RCOR1: variants seen among roughly 807,000 people sequenced by gnomAD.
The protein encoded by RCOR1 is REST corepressor 1.
Under a neutral mutation model 64.0 loss-of-function variants are expected in RCOR1, and 12 were observed. That is an observed-to-expected ratio of 0.19 (90% CI 0.12 to 0.30). RCOR1 has a LOEUF of 0.30. RCOR1 is among the 10% of genes least tolerant of loss of function. The pLI is 1.00. For synonymous variants in RCOR1, 279 were observed against 227.2 expected (o/e 1.23, Z -2.05); for missense variants, 502 against 621.2 (o/e 0.81, Z 2.04).
At chr14:102,618,358 A>G (rs1173422882) in intron 2 of RCOR1, among the ~76,000 whole-genome samples, 1 of 151,932 alleles carries the variant, frequency 6.6e-6, no homozygotes, top group African/African-American at 2.4e-5. Context: ...TAATCCCAGC[A>G]CTTAGGGAGG....
intron 2 of RCOR1, among the ~76,000 whole-genome samples, chr14:102,630,705 T>C (rs1224234078): frequency 1.3e-5 from 2 of 152,176 alleles, no homozygotes; most frequent in East Asian, 1.9e-4. Flanking sequence ...AGCTTTCCTT[T>C]TCTGGTTCAA....
chr14:102,664,397 G>A (rs935420305), intron 2 of RCOR1, among the ~76,000 whole-genome samples: 1 of 152,198 alleles, frequency 6.6e-6, no homozygotes, highest in African/African-American at 2.4e-5. Context: ...TTACAGGTAT[G>A]AGCCACCATG....
At chr14:102,697,812 C>A (rs1895678180) in intron 3 of RCOR1, among the ~76,000 whole-genome samples, 1 of 151,930 alleles carries the variant, frequency 6.6e-6, no homozygotes, top group African/African-American at 2.4e-5. Flanking sequence ...CCTCTGCCTC[C>A]AGGATTCAAG....
At chr14:102,652,963 T>G (rs1475335257) in intron 2 of RCOR1, among the ~76,000 whole-genome samples, 4 of 152,192 alleles carry the variant, frequency 2.6e-5, no homozygotes. Flanking sequence ...AGATGGAGTT[T>G]CGCTTTGTCG....
At chr14:102,644,543 C>T (rs1048365921) in intron 2 of RCOR1, among the ~76,000 whole-genome samples, 3 of 152,172 alleles carry the variant, frequency 2.0e-5, no homozygotes, top group Admixed American at 2.0e-4. Flanking sequence ...CCTCTCCCAT[C>T]ACATCGCTCC....
intron 4 of RCOR1, 111 bp from the exon 5 acceptor site, chr14:102,707,240 T>C: frequency 1.2e-6 from 1 of 843,682 alleles, no homozygotes. Flanking sequence ...GCGCTGTAGA[T>C]GAGTTAGTTT....
chr14:102,698,001 A>T (rs1425214027), intron 3 of RCOR1, among the ~76,000 whole-genome samples: 1 of 152,196 alleles, frequency 6.6e-6, no homozygotes, highest in Non-Finnish European at 1.5e-5. Flanking sequence ...GATTACTGGC[A>T]TGAGCCACCG....
At chr14:102,681,643 C>T (rs1235659248) in intron 2 of RCOR1, among the ~76,000 whole-genome samples, 4 of 152,198 alleles carry the variant, frequency 2.6e-5, no homozygotes, top group African/African-American at 9.6e-5. Flanking sequence ...TGGATTTCTT[C>T]TTGGATGTCT....
chr14:102,689,221 G>A (rs1388197245), intron 3 of RCOR1, among the ~76,000 whole-genome samples: 1 of 152,182 alleles, frequency 6.6e-6, no homozygotes, highest in African/African-American at 2.4e-5. Flanking sequence ...GTTTACCCAG[G>A]CACGTGTGGT....
At chr14:102,649,062 A>C (rs1394708571) in intron 2 of RCOR1, among the ~76,000 whole-genome samples, 4 of 147,666 alleles carry the variant, frequency 2.7e-5, no homozygotes, top group African/African-American at 1.0e-4. Context: ...ACAAGCAAAA[A>C]AAACAAAAAA....
intron 2 of RCOR1, chr14:102,657,184 A>G: frequency 2.0e-6 from 2 of 985,016 alleles, no homozygotes; most frequent in Non-Finnish European, 2.4e-6. Flanking sequence ...ATTTTTGAGG[A>G]TATCTTTGCA....
chr14:102,620,567 A>G (rs1893854094), intron 2 of RCOR1, among the ~76,000 whole-genome samples: 1 of 152,144 alleles, frequency 6.6e-6, no homozygotes, highest in South Asian at 2.1e-4. Flanking sequence ...CGTCTCACAA[A>G]AAAAATTAGT....
intron 2 of RCOR1, among the ~76,000 whole-genome samples, chr14:102,612,587 C>G (rs751317493): frequency 1.4e-4 from 22 of 152,096 alleles, no homozygotes; most frequent in Middle Eastern, 3.4e-3. Context: ...CCACCTGCTT[C>G]GGCCTCCCAA....
chr14:102,662,719 G>C, intron 2 of RCOR1: 1 of 422,842 alleles, frequency 2.4e-6, no homozygotes, highest in Non-Finnish European at 4.5e-6. Flanking sequence ...CTTGTGAAAA[G>C]GGCTCTGCAG....
At chr14:102,721,200 A>C (rs551445686) in intron 9 of RCOR1, 116 bp downstream of exon 9, 1 of 1,114,316 alleles carries the variant, frequency 9.0e-7, no homozygotes, top group East Asian at 2.4e-5. Context: ...TATGGACATA[A>C]TTTTATGAAC....
At position 102,592,908 on chromosome 14, in the gene RCOR1, G is replaced by A. The variant is rs1324393033; in HGVS notation, c.22G>A (p.Gly8Ser). MPAMVEK[G>S]PEVSGKRRGR... ...GCCGATGCCGGCCATGGTGGAGAAGGGCCCCGAGGTCTCAGGGAAGCGGAG... is the reference window on the plus strand; with the variant it reads ...GCCGATGCCGGCCATGGTGGAGAAGAGCCCCGAGGTCTCAGGGAAGCGGAG... The change falls in exon 1 of 12, where the codon GGC (glycine) becomes AGC (serine). Residue 8 changes from glycine (G) to serine (S), a missense_variant. Around this residue, in one of 2 missense-constraint regions of RCOR1, gnomAD observed 242 missense variants for 204.9 expected, o/e 1.18. Transcript: ENST00000262241. 1 of 1,239,796 alleles carries A rather than the reference G, an allele frequency of 8.1e-7. No individual in the cohort carries two copies. Among genetic ancestry groups the A allele is most frequent in the Non-Finnish European group, 1.0e-6 (1 of 986,062 alleles). 76.8% of individuals were successfully genotyped at this position (1,239,796 alleles called of 1,614,324 possible).
intron 2 of RCOR1, among the ~76,000 whole-genome samples, chr14:102,675,664 T>C (rs1403918674): frequency 2.6e-5 from 4 of 152,232 alleles, no homozygotes; most frequent in African/African-American, 9.6e-5. Flanking sequence ...CATGGGTAAC[T>C]GAAATCACAG....
At chr14:102,726,371 G>T (rs984352595) in intron 11 of RCOR1, 97 bp from the exon 12 acceptor site, 4 of 1,084,012 alleles carry the variant, frequency 3.7e-6, no homozygotes, top group Non-Finnish European at 2.6e-6. Flanking sequence ...CTGCAGGTTT[G>T]CTGGCTACCT....
At chr14:102,607,833 G>A (rs1223924350) in intron 2 of RCOR1, among the ~76,000 whole-genome samples, 1 of 152,178 alleles carries the variant, frequency 6.6e-6, no homozygotes, top group Admixed American at 6.5e-5. Flanking sequence ...AGTGAGCTGA[G>A]ATCGTGCCAC....
Sources: gnomAD v4.1 joint callset for allele counts (sites outside exome capture counted in the v4.1 genomes callset) on GRCh38, gnomAD v4.1.1 for gene constraint, gnomAD v4.1.1 regional missense constraint, MANE v1.5 for transcripts, NCBI Gene and HGNC (gene_info 2026-07-23, HGNC 2026-07-21) for gene names.